Variants in KCNMB2 observed in about 807,000 individuals in gnomAD.
The protein encoded by KCNMB2 is calcium-activated potassium channel subunit beta-2.
In KCNMB2, 9 loss-of-function variants were observed where a neutral mutation model predicts 24.5. The ratio of observed to expected loss-of-function variants is 0.37; its 90% CI spans 0.22 to 0.64. The LOEUF is 0.64. Among genes scored for constraint, KCNMB2 ranks in the 30% least tolerant of loss-of-function variants. The pLI is 0.63. For missense variants in KCNMB2, 226 were observed against 284.3 expected (o/e 0.79, Z 1.47); for synonymous variants, 109 against 104.4 (o/e 1.04, Z -0.27).
intron 1 of KCNMB2, among the ~76,000 whole-genome samples, chr3:178,703,299 T>C (rs1221225940): frequency 1.3e-5 from 2 of 152,156 alleles, no homozygotes; most frequent in African/African-American, 4.8e-5. Context: ...GCCACAGAAC[T>C]GGAATGTTTT....
chr3:178,661,774 A>T (rs1720538153), intron 1 of KCNMB2, among the ~76,000 whole-genome samples: 1 of 152,202 alleles, frequency 6.6e-6, no homozygotes, highest in African/African-American at 2.4e-5. Flanking sequence ...ACTTTTAACA[A>T]GATTCTCCAG....
In KCNMB2 at chr3:178,754,150, G is replaced by GTGTATATATA. The variant is rs1553773711; in HGVS notation, c.-67-53192_-67-53191insGTATATATAT. Among the ~76,000 whole-genome samples, 30 of 106,282 alleles carry GTGTATATATA rather than the reference G, an allele frequency of 2.8e-4. 1 individual carries two copies. Among genetic ancestry groups the GTGTATATATA allele is most frequent in the African/African-American group, 1.1e-3 (29 of 26,556 alleles). The allele number at this position is 106,282 out of a possible 152,430, so 69.7% of individuals were successfully genotyped here. A position where few individuals can be genotyped will look rare whatever the true frequency, so the allele number is the denominator to read the frequency against. The stretch of plus-strand genomic sequence containing the variant: ...TTTCATGGCTGAATAATATTCCATT[G>GTGTATATATA]TATATATATATATATATATATATAT... On this transcript the variant is annotated intron_variant, in intron 1 of 4. Transcript: ENST00000452583.
At chr3:178,728,931 A>G (rs1259625584) in intron 1 of KCNMB2, among the ~76,000 whole-genome samples, 1 of 152,180 alleles carries the variant, frequency 6.6e-6, no homozygotes, top group Non-Finnish European at 1.5e-5. Flanking sequence ...CGTTAGAACC[A>G]AAGAATCAAG....
intron 1 of KCNMB2, among the ~76,000 whole-genome samples, chr3:178,628,882 T>C (rs1479707737): frequency 6.6e-6 from 1 of 152,164 alleles, no homozygotes; most frequent in African/African-American, 2.4e-5. Context: ...AGAAAACACA[T>C]ACTTGGTTTT....
chr3:178,753,454 A>T (rs774758875), intron 1 of KCNMB2, among the ~76,000 whole-genome samples: 1 of 152,308 alleles, frequency 6.6e-6, no homozygotes, highest in East Asian at 1.9e-4. Flanking sequence ...TATTGGAAAA[A>T]TGACTGAATG....
At chr3:178,731,898 C>T (rs546042540) in intron 1 of KCNMB2, among the ~76,000 whole-genome samples, 27 of 152,080 alleles carry the variant, frequency 1.8e-4, no homozygotes, top group African/African-American at 6.0e-4. Context: ...AGCGAAACTC[C>T]GTCTCAAAAT....
chr3:178,809,081 G>A (rs1714088234), intron 2 of KCNMB2, among the ~76,000 whole-genome samples: 1 of 152,080 alleles, frequency 6.6e-6, no homozygotes, highest in Admixed American at 6.6e-5. Context: ...CTTTCAAGTT[G>A]AATCATCTTT....
At position 178,759,487 on chromosome 3, in the gene KCNMB2, A is replaced by AAGAGGATATATATATATC. The variant is rs1560009210; in HGVS notation, c.-67-47856_-67-47855insAGAGGATATATATATATC. On this transcript the variant is annotated intron_variant, in intron 1 of 4. Coordinates refer to ENST00000452583, the MANE Select transcript of KCNMB2 (RefSeq NM_181361.3). Reference sequence around the variant, plus strand: ...CAAGAGGATATATATATATATATATATCTCCAAGAGGATATATATATATCT... The same window carrying AAGAGGATATATATATATC: ...CAAGAGGATATATATATATATATATAAGAGGATATATATATATCTCTCCAAGAGGATATATATATATCT... Among the ~76,000 whole-genome samples, 54 of 107,130 alleles carry AAGAGGATATATATATATC rather than the reference A, an allele frequency of 5.0e-4. 1 individual carries two copies. Among genetic ancestry groups the AAGAGGATATATATATATC allele is most frequent in the Non-Finnish European group, 7.4e-4 (40 of 54,322 alleles). 70.3% of individuals were successfully genotyped at this position (107,130 alleles called of 152,430 possible).
At chr3:178,767,325 T>C (rs1318606795) in intron 1 of KCNMB2, among the ~76,000 whole-genome samples, 3 of 152,154 alleles carry the variant, frequency 2.0e-5, no homozygotes, top group Non-Finnish European at 4.4e-5. Flanking sequence ...GTCTGAATGT[T>C]TGTATATTCC....
chr3:178,811,221 C>T (rs1287427950), intron 2 of KCNMB2, among the ~76,000 whole-genome samples: 1 of 151,842 alleles, frequency 6.6e-6, no homozygotes, highest in Admixed American at 6.6e-5. Context: ...TGTTAATATA[C>T]AAAGTGATAT....
chr3:178,811,898 C>A (rs1040208468), intron 2 of KCNMB2, among the ~76,000 whole-genome samples: 1 of 152,060 alleles, frequency 6.6e-6, no homozygotes, highest in Non-Finnish European at 1.5e-5. Flanking sequence ...ATTTTCATTT[C>A]TCAGATTATT....
At chr3:178,639,932 A>G (rs991590697) in intron 1 of KCNMB2, among the ~76,000 whole-genome samples, 2 of 152,214 alleles carry the variant, frequency 1.3e-5, no homozygotes, top group African/African-American at 4.8e-5. Context: ...AATCAGTGTG[A>G]GCATGTATTA....
At chr3:178,832,030 T>C (rs1218343736) in intron 4 of KCNMB2, among the ~76,000 whole-genome samples, 5 of 152,214 alleles carry the variant, frequency 3.3e-5, no homozygotes, top group African/African-American at 1.2e-4. Flanking sequence ...ACTATTGTTG[T>C]TGTATATAGT....
chr3:178,752,496 A>C (rs898917850), intron 1 of KCNMB2, among the ~76,000 whole-genome samples: 1 of 152,188 alleles, frequency 6.6e-6, no homozygotes, highest in African/African-American at 2.4e-5. Context: ...CACATTGTGG[A>C]GTGAGTTTAT....
At chr3:178,695,299 A>C (rs1340098112) in intron 1 of KCNMB2, among the ~76,000 whole-genome samples, 1 of 128,362 alleles carries the variant, frequency 7.8e-6, no homozygotes, top group Non-Finnish European at 1.8e-5. Flanking sequence ...CTTGGCCTCC[A>C]GGCCTGTGAT....
chr3:178,801,720 G>A (rs1713782498), intron 1 of KCNMB2: 1 of 152,210 alleles, frequency 6.6e-6, no homozygotes, highest in Non-Finnish European at 1.5e-5. Context: ...ATAGTAGAAG[G>A]AAATGAGCAA....
chr3:178,784,502 T>C (rs1713015721), intron 1 of KCNMB2, among the ~76,000 whole-genome samples: 1 of 152,160 alleles, frequency 6.6e-6, no homozygotes, highest in Non-Finnish European at 1.5e-5. Context: ...TAAACTATTC[T>C]AAGTTATTTA....
intron 1 of KCNMB2, among the ~76,000 whole-genome samples, chr3:178,716,069 C>T (rs1387453076): frequency 1.3e-5 from 2 of 152,220 alleles, no homozygotes; most frequent in Non-Finnish European, 2.9e-5. Context: ...ATCTCTCTAA[C>T]CAAAGCTTAC....
chr3:178,646,869 C>A (rs917443148), intron 1 of KCNMB2, among the ~76,000 whole-genome samples: 1 of 152,154 alleles, frequency 6.6e-6, no homozygotes, highest in Non-Finnish European at 1.5e-5. Context: ...ATTAAAAAAG[C>A]ATTTTCAATA....
Sources: allele counts gnomAD v4.1 joint callset (sites outside exome capture counted in the v4.1 genomes callset), GRCh38; gene constraint gnomAD v4.1.1; transcripts MANE v1.5; gene names NCBI Gene and HGNC (gene_info 2026-07-23, HGNC 2026-07-21).